The following XKR4 variants were observed in gnomAD, a reference collection of about 807,000 sequenced individuals.
The protein encoded by XKR4 is XK related 4.
A neutral mutation model predicts 53.9 loss-of-function variants in XKR4; 12 were observed. The ratio of observed to expected loss-of-function variants is 0.22; its 90% confidence interval spans 0.14 to 0.36. XKR4 has a LOEUF of 0.36. Ranked by LOEUF, XKR4 falls within the 10% of genes least tolerant of loss-of-function variation. The pLI, the probability that XKR4 is intolerant of heterozygous loss-of-function variation, is 1.00. For missense variants in XKR4, 799 were observed against 859.5 expected (o/e 0.93, Z 0.88); for synonymous variants, 354 against 362.4 (o/e 0.98, Z 0.26).
rs112214344 is a variant in XKR4 at position 55,354,504 on chromosome 8, A to T, written c.807-3174A>T. Among the ~76,000 whole-genome samples the T allele has an allele frequency of 5.0e-3, 763 of 152,322 alleles. 5 individuals carry two copies. The highest frequency in any genetic ancestry group is 0.017 in the Middle Eastern group (5 of 294). On this transcript the variant is annotated intron_variant, in intron 1 of 2. Transcript: ENST00000327381. ...GCAGAGGCAGCTGATAGCAGAAAGTAACAAGTGATTCTGTTTACCACTTCA... is the reference window on the plus strand; with the variant it reads ...GCAGAGGCAGCTGATAGCAGAAAGTTACAAGTGATTCTGTTTACCACTTCA...
At chr8:55,289,591 G>GAGAAAGAAAGAA (rs747365935) in intron 1 of XKR4, among the ~76,000 whole-genome samples, 67 of 67,376 alleles carry the variant, frequency 9.9e-4, no homozygotes, top group South Asian at 2.0e-3. Flanking sequence ...AAGAAAGAAA[G>GAGAAAGAAAGAA]AGAAAGAAAG....
At chr8:55,399,181 C>A (rs1234287692) in intron 2 of XKR4, among the ~76,000 whole-genome samples, 1 of 152,172 alleles carries the variant, frequency 6.6e-6, no homozygotes, top group Non-Finnish European at 1.5e-5. Flanking sequence ...GGAGTCTGGA[C>A]TTTCTACAAT....
chr8:55,363,545 C>A (rs1803931992), intron 2 of XKR4, among the ~76,000 whole-genome samples: 1 of 152,222 alleles, frequency 6.6e-6, no homozygotes, highest in South Asian at 2.1e-4. Context: ...TTTGTCCTCT[C>A]CTGTTGAGCA....
chr8:55,232,695 T>C (rs1435677085), intron 1 of XKR4, among the ~76,000 whole-genome samples: 2 of 152,172 alleles, frequency 1.3e-5, no homozygotes, highest in African/African-American at 4.8e-5. Flanking sequence ...AAAATAACAA[T>C]TATAATGTAT....
chr8:55,452,147 C>A (rs541939989), intron 2 of XKR4: 2 of 709,022 alleles, frequency 2.8e-6, no homozygotes, highest in Non-Finnish European at 5.0e-6. Flanking sequence ...TGTACCGCAG[C>A]TTATGCAGCT....
intron 2 of XKR4, among the ~76,000 whole-genome samples, chr8:55,518,093 C>T (rs568741957): frequency 5.9e-5 from 9 of 152,270 alleles, no homozygotes; most frequent in Non-Finnish European, 8.8e-5. Context: ...TCAAAGAATT[C>T]GAGCACTTGG....
At chr8:55,417,985 A>G (rs1388322458) in intron 2 of XKR4, among the ~76,000 whole-genome samples, 3 of 152,186 alleles carry the variant, frequency 2.0e-5, no homozygotes, top group African/African-American at 7.2e-5. Context: ...AGAAAGAGAC[A>G]GCGATTTGGG....
chr8:55,454,357 C>A (rs1158101111), intron 2 of XKR4: 3 of 1,510,372 alleles, frequency 2.0e-6, no homozygotes, highest in Non-Finnish European at 2.8e-6. Flanking sequence ...GCTGGGCCGG[C>A]AGGATGGGCA....
At chr8:55,454,838 A>C (rs1805533230) in intron 2 of XKR4, 3 of 764,000 alleles carry the variant, frequency 3.9e-6, no homozygotes, top group Non-Finnish European at 7.3e-6. Context: ...GGCCTCCCTC[A>C]TCCTCCTCTT....
At chr8:55,163,515 G>A (rs1817016293) in intron 1 of XKR4, among the ~76,000 whole-genome samples, 1 of 152,096 alleles carries the variant, frequency 6.6e-6, no homozygotes, top group African/African-American at 2.4e-5. Context: ...CCATAGCTCA[G>A]ATAAACATGT....
At chr8:55,469,866 AT>A (rs1224816830) in intron 2 of XKR4, among the ~76,000 whole-genome samples, 2 of 152,112 alleles carry the variant, frequency 1.3e-5, no homozygotes, top group African/African-American at 4.8e-5. Context: ...CTGGTCAATC[AT>A]TCACTCAACA....
Position 55,309,524 on chromosome 8 carries a change from A to G in XKR4, c.807-48154A>G, listed in dbSNP as rs1819359027. On this transcript the variant is annotated intron_variant, in intron 1 of 2. Transcript: ENST00000327381. Reference sequence around the variant, plus strand: ...TATAGTGGTGTATACGTGAACATAAATGTGTGATAAAATTGTATAGAATTT... The same window carrying G: ...TATAGTGGTGTATACGTGAACATAAGTGTGTGATAAAATTGTATAGAATTT... Among the ~76,000 whole-genome samples the G allele has an allele frequency of 3.9e-5, 6 of 152,210 alleles. No individual in the cohort carries two copies. In the South Asian group the frequency reaches 1.2e-3, roughly 32 times the overall value.
chr8:55,212,260 C>A (rs957774683), intron 1 of XKR4, among the ~76,000 whole-genome samples: 2 of 152,168 alleles, frequency 1.3e-5, no homozygotes, highest in African/African-American at 2.4e-5. Context: ...TTAGTTAATT[C>A]TCTCCTGGAT....
In XKR4 at chr8:55,508,877, G is replaced by A. The variant is rs573628497; in HGVS notation, c.1007-14404G>A. Among the ~76,000 whole-genome samples, 8 of 152,326 alleles carry A rather than the reference G, an allele frequency of 5.3e-5. No individual in the cohort carries two copies. In the East Asian group the frequency reaches 5.8e-4, roughly 11 times the overall value. On this transcript the variant is annotated intron_variant, in intron 2 of 2. Coordinates refer to ENST00000327381, the MANE Select transcript of XKR4 (RefSeq NM_052898.2). ...ACAGACTGCCTGGGACAGGGGATTC[G>A]TGTACTGACTTGACTTTGAGGTGAG...
At chr8:55,441,269 C>G (rs1235318417) in intron 2 of XKR4, among the ~76,000 whole-genome samples, 4 of 151,498 alleles carry the variant, frequency 2.6e-5, no homozygotes, top group African/African-American at 9.7e-5. Flanking sequence ...TAAAGTACAG[C>G]ACATTGTCAG....
At chr8:55,176,635 T>C (rs1304363779) in intron 1 of XKR4, among the ~76,000 whole-genome samples, 1 of 152,234 alleles carries the variant, frequency 6.6e-6, no homozygotes, top group Non-Finnish European at 1.5e-5. Context: ...GTTTCTCAAA[T>C]GTGGACAGGG....
intron 2 of XKR4, among the ~76,000 whole-genome samples, chr8:55,496,394 A>G (rs1806349414): frequency 1.3e-5 from 2 of 152,122 alleles, no homozygotes; most frequent in African/African-American, 4.8e-5. Flanking sequence ...CAAAAAAAAA[A>G]TTACCATTTG....
intron 1 of XKR4, among the ~76,000 whole-genome samples, chr8:55,310,837 A>G (rs536233108): frequency 1.3e-5 from 2 of 152,332 alleles, no homozygotes; most frequent in East Asian, 3.9e-4. Context: ...AAAAACTTGG[A>G]GGAATAAAGA....
chr8:55,225,583 A>G (rs1440620026), intron 1 of XKR4, among the ~76,000 whole-genome samples: 10 of 152,242 alleles, frequency 6.6e-5, no homozygotes, highest in Admixed American at 2.6e-4. Flanking sequence ...AGTGACCCAC[A>G]AGGCCAGCCT....
Sources: gnomAD v4.1 joint callset for allele counts (sites outside exome capture counted in the v4.1 genomes callset) on GRCh38, gnomAD v4.1.1 for gene constraint, MANE v1.5 for transcripts, NCBI Gene and HGNC (gene_info 2026-07-23, HGNC 2026-07-21) for gene names.